The following DNAH7 variants were observed in gnomAD, a reference collection of about 807,000 sequenced individuals.
The protein encoded by DNAH7 is axonemal beta dynein heavy chain 7.
Under a neutral mutation model 444.6 loss-of-function variants are expected in DNAH7, and 397 were observed. That is an observed-to-expected ratio of 0.89 (90% confidence interval 0.82 to 0.97). DNAH7 has a LOEUF of 0.97. Among genes scored for constraint, DNAH7 ranks in the 50% least tolerant of loss-of-function variants. The probability of loss-of-function intolerance (pLI) is 0.00; values close to 1 mark genes in which losing one functional copy is unlikely to be tolerated. For missense variants in DNAH7, 4,902 were observed against 4,800.8 expected (o/e 1.02, Z -0.62); for synonymous variants, 1,636 against 1,624.4 (o/e 1.01, Z -0.17).
At position 195,967,537 on chromosome 2, in the gene DNAH7, G is replaced by A. The variant is rs541749663; in HGVS notation, c.2205+2411C>T. On this transcript the variant is annotated intron_variant, in intron 17 of 64. Coordinates refer to ENST00000312428, the MANE Select transcript of DNAH7 (RefSeq NM_018897.3). ...TGGCATTTCCTGTAAGATAGGTCTG[G>A]TGTTGATGAAATCTCTCAGCTTTTG... Among the ~76,000 whole-genome samples, 21 of 152,272 alleles carry A rather than the reference G, an allele frequency of 1.4e-4. No individual in the cohort carries two copies. The South Asian group carries it at 2.5e-3, about 18-fold the overall frequency.
At chr2:195,972,525 G>T in intron 15 of DNAH7, 59 bp from the exon 16 acceptor site, 1 of 1,315,900 alleles carries the variant, frequency 7.6e-7, no homozygotes, top group Non-Finnish European at 1.1e-6. Flanking sequence ...TCACGAAACA[G>T]CCTGCGGAAA....
intron 61 of DNAH7, among the ~76,000 whole-genome samples, chr2:195,768,881 G>A (rs971198181): frequency 1.3e-5 from 2 of 152,088 alleles, no homozygotes; most frequent in African/African-American, 4.8e-5. Flanking sequence ...GTAACTGTAA[G>A]AAATAGGTTT....
At chr2:195,801,291 A>AATATAT (rs72396547) in intron 54 of DNAH7, among the ~76,000 whole-genome samples, 1 of 148,714 alleles carries the variant, frequency 6.7e-6, no homozygotes, top group Non-Finnish European at 1.5e-5. Flanking sequence ...CCTGCTCTGA[A>AATATAT]ATATATATAT....
At chr2:196,049,496 C>T (rs1697337063) in intron 3 of DNAH7, among the ~76,000 whole-genome samples, 1 of 152,192 alleles carries the variant, frequency 6.6e-6, no homozygotes, top group Admixed American at 6.5e-5. Flanking sequence ...CCTCTAGAAG[C>T]CTGAAGTCTG....
intron 46 of DNAH7, among the ~76,000 whole-genome samples, chr2:195,847,352 G>GGAACT (rs1423498745): frequency 2.6e-5 from 4 of 151,746 alleles, no homozygotes; most frequent in African/African-American, 9.7e-5. Flanking sequence ...CAACATGGAT[G>GGAACT]GAACTAGAGG....
chr2:195,950,043 G>A (rs535252834), intron 19 of DNAH7, among the ~76,000 whole-genome samples: 2 of 152,242 alleles, frequency 1.3e-5, no homozygotes, highest in South Asian at 4.2e-4. Flanking sequence ...TGTCCATCAG[G>A]GATATTGGCC....
intron 10 of DNAH7, among the ~76,000 whole-genome samples, chr2:196,006,622 A>G (rs1180805081): frequency 1.3e-5 from 2 of 151,992 alleles, no homozygotes; most frequent in East Asian, 1.9e-4. Flanking sequence ...CTATTTGCAG[A>G]TGATATGATC....
At chr2:195,746,015 T>C (rs1174488882) in intron 63 of DNAH7, among the ~76,000 whole-genome samples, 2 of 152,206 alleles carry the variant, frequency 1.3e-5, no homozygotes, top group East Asian at 3.8e-4. Flanking sequence ...ACTTTAAATG[T>C]AAATGGACTA....
chr2:196,011,170 A>G (rs1241969563), intron 10 of DNAH7, among the ~76,000 whole-genome samples: 2 of 152,234 alleles, frequency 1.3e-5, no homozygotes, highest in African/African-American at 2.4e-5. Flanking sequence ...GAATGCTCCC[A>G]ACACAAAGAA....
At chr2:196,027,054 TAA>T in intron 6 of DNAH7, 114 bp from the exon 7 acceptor site, 1 of 728,546 alleles carries the variant, frequency 1.4e-6, no homozygotes, top group African/African-American at 1.8e-5. Flanking sequence ...TTATAAAGCA[TAA>T]AAAAGTATTT....
chr2:196,045,199 GAAA>G (rs1697033534), intron 5 of DNAH7, among the ~76,000 whole-genome samples: 1 of 146,208 alleles, frequency 6.8e-6, no homozygotes, highest in African/African-American at 2.6e-5. Flanking sequence ...GAAGGAGGAG[GAAA>G]AGGAGGAGGA....
rs1302576226 is a variant in DNAH7, at chr2:195,847,777, G to A, written c.8782-2612C>T. On this transcript the variant is annotated intron_variant, in intron 46 of 64. Coordinates refer to ENST00000312428, the MANE Select transcript of DNAH7 (RefSeq NM_018897.3). The stretch of plus-strand genomic sequence containing the variant: ...TATAGTAGAAAAGTAAATCCATTTT[G>A]AACCAGTAGGAGAGACGGAAAACTT... Among the ~76,000 whole-genome samples, 4 of 152,180 alleles carry A rather than the reference G, an allele frequency of 2.6e-5. No homozygotes were observed. The East Asian group carries it at 7.7e-4, about 29-fold the overall frequency.
chr2:195,842,911 G>C (rs76125434), intron 47 of DNAH7, among the ~76,000 whole-genome samples: 5,398 of 152,196 alleles, frequency 0.035, 95 homozygotes, highest in Middle Eastern at 0.061. Flanking sequence ...TGTCCTGCTA[G>C]GCAGAACCAT....
chr2:195,832,519 T>C (rs1400236303), intron 48 of DNAH7, among the ~76,000 whole-genome samples: 1 of 151,874 alleles, frequency 6.6e-6, no homozygotes, highest in African/African-American at 2.4e-5. Context: ...CATAGCTCAC[T>C]GCAGCCTTGA....
intron 28 of DNAH7, among the ~76,000 whole-genome samples, chr2:195,899,034 A>G (rs1208079491): frequency 6.6e-6 from 1 of 152,136 alleles, no homozygotes; most frequent in Non-Finnish European, 1.5e-5. Context: ...CCATATTCTC[A>G]CTTAATTAGC....
intron 61 of DNAH7, among the ~76,000 whole-genome samples, chr2:195,758,955 G>C (rs1694213353): frequency 6.6e-6 from 1 of 152,236 alleles, no homozygotes; most frequent in South Asian, 2.1e-4. Context: ...TTGAAAGGCA[G>C]TCTAGGCCAC....
intron 12 of DNAH7, chr2:195,994,747 G>A (rs559118581): frequency 1.7e-4 from 81 of 470,942 alleles, no homozygotes; most frequent in South Asian, 1.1e-3. Context: ...ATCTTGATAC[G>A]TAACATAAGC....
chr2:195,806,465 G>A, intron 54 of DNAH7, among the ~76,000 whole-genome samples: 1 of 151,998 alleles, frequency 6.6e-6, no homozygotes, highest in Non-Finnish European at 1.5e-5. Flanking sequence ...TATGTAAAGG[G>A]AGTAGATTGT....
chr2:195,747,037 C>A, intron 63 of DNAH7, among the ~76,000 whole-genome samples: 1 of 152,080 alleles, frequency 6.6e-6, no homozygotes, highest in East Asian at 1.9e-4. Flanking sequence ...AAAAACCCTT[C>A]AAAAAATTAA....
Sources: gnomAD v4.1 joint callset for allele counts (sites outside exome capture counted in the v4.1 genomes callset) on GRCh38, gnomAD v4.1.1 for gene constraint, MANE v1.5 for transcripts, NCBI Gene and HGNC (gene_info 2026-07-23, HGNC 2026-07-21) for gene names.